MTA1: variants seen among roughly 807,000 people sequenced by gnomAD.
MTA1 encodes the protein metastasis-associated protein MTA1.
A neutral mutation model predicts 97.0 loss-of-function variants in MTA1; 15 were observed. That is an observed-to-expected ratio of 0.15 (90% CI 0.10 to 0.24). The LOEUF is 0.24. Ranked by LOEUF, MTA1 falls within the 10% of genes least tolerant of loss-of-function variation. The probability of loss-of-function intolerance (pLI) is 1.00; values close to 1 mark genes in which losing one functional copy is unlikely to be tolerated. For synonymous variants in MTA1, 435 were observed against 417.5 expected (o/e 1.04, Z -0.51); for missense variants, 709 against 1,015.1 (o/e 0.70, Z 4.10).
In MTA1 at chr14:105,463,745, GCCT is replaced by G. The variant is rs2083452135; in HGVS notation, c.1076+198_1076+200del. The G allele has an allele frequency of 1.6e-6, 1 of 629,782 alleles. No homozygotes were observed. Among genetic ancestry groups the G allele is most frequent in the African/African-American group, 1.8e-5 (1 of 54,278 alleles). The allele number at this position is 629,782 out of a possible 1,614,324, so 39.0% of individuals were successfully genotyped here. A position where few individuals can be genotyped will look rare whatever the true frequency, so the allele number is the denominator to read the frequency against. On this transcript the variant is annotated intron_variant, in intron 12 of 20. Transcript: ENST00000331320. This position sits in a 1 kb window ranked among gnomAD's most constrained non-coding sequence, Gnocchi z 5.9. ...CAGTGGCCATGTCTCTGTCGTCCTG[GCCT>G]CCTGGTCAGTAAGGGGGCATTGGGA...
chr14:105,426,862 G>A (rs587725309), intron 1 of MTA1, among the ~76,000 whole-genome samples: 12 of 152,316 alleles, frequency 7.9e-5, no homozygotes, highest in Admixed American at 2.0e-4. Context: ...ATGGAGACCC[G>A]GCTCCTGGAG....
rs782433296 is a variant in MTA1 at position 105,422,897 on chromosome 14, C to T, written c.28+2834C>T. On this transcript the variant is annotated intron_variant, in intron 1 of 20. Transcript: ENST00000331320. The surrounding 1 kb of genome is among the most constrained non-coding windows in gnomAD (Gnocchi z 4.3). ...CTGTGAGGGCAGCGGATGGCCTGGG[C>T]AAGGGTGGCGGGGTCAGGGTTCCCT... Among the ~76,000 whole-genome samples the T allele has an allele frequency of 6.6e-6, 1 of 152,156 alleles. No individual in the cohort carries two copies. The highest frequency in any genetic ancestry group is 2.4e-5 in the African/African-American group (1 of 41,454).
intron 1 of MTA1, among the ~76,000 whole-genome samples, chr14:105,437,293 G>GTGT (rs1555424586): frequency 6.6e-6 from 1 of 150,778 alleles, no homozygotes; most frequent in African/African-American, 2.5e-5. Context: ...GCCTGCAGGT[G>GTGT]CGTCCTCATG....
intron 2 of MTA1, among the ~76,000 whole-genome samples, chr14:105,443,856 T>C (rs9324083): frequency 0.97 from 147,356 of 152,228 alleles, 71,481 homozygotes; most frequent in East Asian, 1. Flanking sequence ...TTTGGGAGGC[T>C]GAGGCGGGTG....
rs776589575 is a variant in MTA1, at chr14:105,420,622, C to G, written c.28+559C>G. On this transcript the variant is annotated intron_variant, in intron 1 of 20. Coordinates refer to ENST00000331320, the MANE Select transcript of MTA1 (RefSeq NM_004689.4). The surrounding 1 kb of genome is among the most constrained non-coding windows in gnomAD (Gnocchi z 5.3). ...GGTCTTCAGCAGGGAGCGAGCATCCCGAGCACGCCTCTAAGTCCCCCCAAA... is the reference window on the plus strand; with the variant it reads ...GGTCTTCAGCAGGGAGCGAGCATCCGGAGCACGCCTCTAAGTCCCCCCAAA... 2.6e-5 allele frequency among the ~76,000 whole-genome samples: 4 copies of G among 152,206 alleles called. No homozygotes were observed. Among genetic ancestry groups the G allele is most frequent in the Non-Finnish European group, 5.9e-5 (4 of 68,024 alleles).
intron 7 of MTA1, among the ~76,000 whole-genome samples, chr14:105,456,097 C>A (rs973180718): frequency 6.6e-6 from 1 of 151,882 alleles, no homozygotes; most frequent in African/African-American, 2.4e-5. Flanking sequence ...GGGCCTGTGG[C>A]CTCCAGGGTG....
intron 16 of MTA1, chr14:105,466,174 TG>T (rs2083574029): frequency 1.8e-6 from 1 of 554,494 alleles, no homozygotes; most frequent in Non-Finnish European, 3.2e-6. Context: ...CCCCGCCAGG[TG>T]GTCTCCCTGC....
At chr14:105,435,783 A>G (rs1306118161) in intron 1 of MTA1, among the ~76,000 whole-genome samples, 3 of 152,112 alleles carry the variant, frequency 2.0e-5, no homozygotes, top group Non-Finnish European at 4.4e-5. Context: ...CTTTCAAGCA[A>G]TTGGTTCATT....
At chr14:105,434,409 T>A (rs587758840) in intron 1 of MTA1, among the ~76,000 whole-genome samples, 11 of 152,268 alleles carry the variant, frequency 7.2e-5, no homozygotes, top group African/African-American at 2.6e-4. Context: ...ATATTGTAAG[T>A]ATTTAATTTT....
intron 1 of MTA1, among the ~76,000 whole-genome samples, chr14:105,426,407 G>A (rs988499127): frequency 6.6e-6 from 1 of 150,930 alleles, no homozygotes; most frequent in African/African-American, 2.4e-5. Flanking sequence ...GAGCCTCAAG[G>A]CCTGTGCAGT....
At chr14:105,466,082 G>T in intron 16 of MTA1, 1 of 278,038 alleles carries the variant, frequency 3.6e-6, no homozygotes, top group Non-Finnish European at 6.8e-6. Context: ...CCGGGGGCCT[G>T]GACGTGGGGG....
intron 6 of MTA1, 140 bp from the exon 7 acceptor site, chr14:105,454,049 GCCCT>G: frequency 2.7e-5 from 16 of 582,342 alleles, no homozygotes; most frequent in East Asian, 9.2e-5. Flanking sequence ...GGGCTCCTGC[GCCCT>G]CCCTCCCTCC....
chr14:105,422,722 G>C lies in MTA1; in HGVS notation c.28+2659G>C, dbSNP rs1330950221. Among the ~76,000 whole-genome samples the C allele has an allele frequency of 1.3e-5, 2 of 152,226 alleles. No homozygotes were observed. The highest frequency in any genetic ancestry group is 3.8e-4 in the East Asian group (2 of 5,198). On this transcript the variant is annotated intron_variant, in intron 1 of 20. Transcript: ENST00000331320. The surrounding 1 kb of genome is among the most constrained non-coding windows in gnomAD (Gnocchi z 4.3). ...ATTTTAGCTGGCAGGCTACTCCGAG[G>C]CCCTGCCAGGTTGGGCTAGGCAGGG...
rs782246258 is a variant in MTA1 at position 105,464,708 on chromosome 14, G to T, written c.1379G>T (p.Ser460Ile). 1.9e-6 allele frequency: 3 copies of T among 1,606,686 alleles called. No homozygotes were observed. Among genetic ancestry groups the T allele is most frequent in the Non-Finnish European group, 2.6e-6 (3 of 1,175,522 alleles). The change falls in exon 15 of 21, where the codon AGC becomes ATC. Residue 460 changes from serine (S) to isoleucine (I), a missense_variant. Coordinates refer to ENST00000331320, the MANE Select transcript of MTA1 (RefSeq NM_004689.4). ...PHGLPARSSG[S>I]PKFAMKTRQA... Reference sequence around the variant, plus strand: ...GGCCTCCCAGCCCGGAGCAGCGGGAGCCCCAAGTTTGCCATGAAGACCAGG... The same window carrying T: ...GGCCTCCCAGCCCGGAGCAGCGGGATCCCCAAGTTTGCCATGAAGACCAGG...
chr14:105,450,606 G>A (rs1355814030), intron 6 of MTA1, among the ~76,000 whole-genome samples: 1 of 152,216 alleles, frequency 6.6e-6, no homozygotes, highest in Non-Finnish European at 1.5e-5. Context: ...TCCCCCTGGG[G>A]AGGGTGTGGC....
In MTA1 at chr14:105,470,469, T is replaced by G; in HGVS notation, c.*254T>G. The G allele has an allele frequency of 2.4e-6, 1 of 424,978 alleles. No individual in the cohort carries two copies. The allele number at this position is 424,978 out of a possible 1,614,324, so 26.3% of individuals were successfully genotyped here. A position where few individuals can be genotyped will look rare whatever the true frequency, so the allele number is the denominator to read the frequency against. On this transcript the variant is annotated 3_prime_UTR_variant, in exon 21 of 21. Transcript: ENST00000331320. ...GGAGCGGAGATGAGGGGCCACCCCG[T>G]GCCCCTGTGCTGCGGGGCCTTTTGC...
intron 1 of MTA1, among the ~76,000 whole-genome samples, chr14:105,427,241 G>T (rs142618825): frequency 1.3e-5 from 2 of 152,238 alleles, no homozygotes; most frequent in African/African-American, 2.4e-5. Context: ...CCCAAGTTGC[G>T]TGGTGCTTGG....
At position 105,470,366 on chromosome 14, in the gene MTA1, G is replaced by A. The variant is rs1555434343; in HGVS notation, c.*151G>A. ...CGCTCCTTGGCGGACACTGGGGGAG[G>A]AGAGGAAGAAGCGCGGCTAACTTAT... On this transcript the variant is annotated 3_prime_UTR_variant, in exon 21 of 21. Transcript: ENST00000331320. 1 of 617,128 alleles carries A rather than the reference G, an allele frequency of 1.6e-6. No homozygotes were observed. Among genetic ancestry groups the A allele is most frequent in the Non-Finnish European group, 2.5e-6 (1 of 395,994 alleles). 38.2% of individuals were successfully genotyped at this position (617,128 alleles called of 1,614,324 possible).
chr14:105,469,164 A>G (rs764861208), intron 18 of MTA1: 16 of 602,948 alleles, frequency 2.7e-5, no homozygotes, highest in South Asian at 1.1e-4. Flanking sequence ...ACGGCAGGCA[A>G]GTGGGTGGAC....
Sources: allele counts gnomAD v4.1 joint callset (sites outside exome capture counted in the v4.1 genomes callset), GRCh38; gene constraint gnomAD v4.1.1; non-coding constraint Gnocchi (gnomAD v3.1); transcripts MANE v1.5; gene names NCBI Gene and HGNC (gene_info 2026-07-23, HGNC 2026-07-21).